The following MCPH1 variants were observed in gnomAD, a reference collection of about 807,000 sequenced individuals.
MCPH1 encodes microcephalin 1.
A neutral mutation model predicts 84.5 loss-of-function variants in MCPH1; 104 were observed. The observed-to-expected ratio is 1.23, with a 90% confidence interval of 1.05 to 1.45. The LOEUF is 1.45. MCPH1 is among the 40% of genes most tolerant of loss of function. MCPH1 has a pLI of 0.00. For missense variants in MCPH1, 1,498 were observed against 1,005.7 expected (o/e 1.49, Z -6.62); for synonymous variants, 514 against 366.8 (o/e 1.40, Z -4.58).
Position 6,505,500 on chromosome 8 carries a change from TA to T in MCPH1, c.2214+5572del, listed in dbSNP as rs1813380420. On this transcript the variant is annotated intron_variant, in intron 12 of 13. Transcript: ENST00000344683. ...ATATAGAATATATATATTCTTTATATATGTATATATAGAATATATATTCTTT... is the reference window on the plus strand; with the variant it reads ...ATATAGAATATATATATTCTTTATATTGTATATATAGAATATATATTCTTT... 1.2e-3 allele frequency among the ~76,000 whole-genome samples: 6 copies of T among 4,890 alleles called. 1 individual carries two copies. The highest frequency in any genetic ancestry group is 0.011 in the Admixed American group (2 of 180). The allele number at this position is 4,890 out of a possible 152,430, so 3.2% of individuals were successfully genotyped here.
intron 12 of MCPH1, among the ~76,000 whole-genome samples, chr8:6,597,296 G>T (rs559692696): frequency 5.3e-5 from 8 of 152,266 alleles, no homozygotes; most frequent in African/African-American, 1.9e-4. Context: ...GTGAAAGCAG[G>T]ACACAGGCAA....
intron 9 of MCPH1, among the ~76,000 whole-genome samples, chr8:6,476,224 T>G (rs1193158782): frequency 1.3e-5 from 2 of 151,512 alleles, no homozygotes; most frequent in African/African-American, 4.9e-5. Flanking sequence ...AGGTCAGGAG[T>G]TGGAGACCAG....
intron 11 of MCPH1, among the ~76,000 whole-genome samples, chr8:6,491,189 T>C (rs926562509): frequency 2.0e-5 from 3 of 151,542 alleles, no homozygotes; most frequent in African/African-American, 7.3e-5. Flanking sequence ...TAAACTTAAA[T>C]TGAGATCATG....
intron 11 of MCPH1, among the ~76,000 whole-genome samples, chr8:6,493,266 G>A (rs914900294): frequency 1.3e-5 from 2 of 152,078 alleles, no homozygotes; most frequent in East Asian, 1.9e-4. Context: ...CCTTAACATC[G>A]AGAATCACCC....
Position 6,480,799 on chromosome 8 carries a change from C to A in MCPH1, c.2059C>A (p.Leu687Ile), listed in dbSNP as rs200865129. The A allele has an allele frequency of 6.2e-7, 1 of 1,614,216 alleles. No homozygotes were observed. The highest frequency in any genetic ancestry group is 1.7e-5 in the Admixed American group (1 of 60,028). Residue 687 changes from leucine to isoleucine, a missense_variant, in exon 11 of 14, where the codon CTT (leucine) becomes ATT (isoleucine). Coordinates refer to ENST00000344683, the MANE Select transcript of MCPH1 (RefSeq NM_024596.5). The stretch of plus-strand genomic sequence containing the variant: ...CGTCTGTGAGACCACGACTCACGTG[C>A]TTTCCGGGAAGCCACTTCGCACCCT... ...PDVCETTTHV[L>I]SGKPLRTLNV...
At chr8:6,625,437 C>T (rs1831969070) in intron 13 of MCPH1, 1 of 985,402 alleles carries the variant, frequency 1.0e-6, no homozygotes, top group Non-Finnish European at 1.2e-6. Context: ...AAATGCTTCT[C>T]TGGACAATGT....
intron 10 of MCPH1, among the ~76,000 whole-genome samples, 175 bp downstream of exon 10, chr8:6,477,806 G>A (rs143792214): frequency 5.0e-4 from 76 of 152,332 alleles, no homozygotes; most frequent in African/African-American, 1.6e-3. Flanking sequence ...AAATGTGAGC[G>A]ACTTAGCCTT....
At chr8:6,562,118 C>A (rs1228467527) in intron 12 of MCPH1, among the ~76,000 whole-genome samples, 2 of 152,196 alleles carry the variant, frequency 1.3e-5, no homozygotes, top group Non-Finnish European at 2.9e-5. Context: ...AATTTCCTCT[C>A]GTTTACCAAG....
intron 12 of MCPH1, among the ~76,000 whole-genome samples, chr8:6,589,457 C>G (rs1828269255): frequency 6.6e-6 from 1 of 152,132 alleles, no homozygotes; most frequent in South Asian, 2.1e-4. Context: ...CCAGAAATTC[C>G]AGGCTTTCTG....
At chr8:6,440,962 T>G (rs894670837) in intron 6 of MCPH1, among the ~76,000 whole-genome samples, 1 of 152,190 alleles carries the variant, frequency 6.6e-6, no homozygotes, top group African/African-American at 2.4e-5. Flanking sequence ...GTTCCCATCT[T>G]TCTGTTGTAC....
chr8:6,488,576 C>G (rs1413226940), intron 11 of MCPH1, among the ~76,000 whole-genome samples: 1 of 152,114 alleles, frequency 6.6e-6, no homozygotes, highest in East Asian at 1.9e-4. Flanking sequence ...TAAACAGAAT[C>G]TACTTAATGC....
chr8:6,522,265 G>A (rs1817503206), intron 12 of MCPH1, among the ~76,000 whole-genome samples: 1 of 152,144 alleles, frequency 6.6e-6, no homozygotes, highest in Non-Finnish European at 1.5e-5. Flanking sequence ...TGAGGCAGGA[G>A]AATGGCGTGA....
intron 12 of MCPH1, among the ~76,000 whole-genome samples, chr8:6,575,663 C>A (rs922535816): frequency 6.6e-6 from 1 of 152,154 alleles, no homozygotes; most frequent in Non-Finnish European, 1.5e-5. Flanking sequence ...TGACCGTCTT[C>A]GGAAGTAGGG....
chr8:6,409,663 A>C (rs1242317715), intron 2 of MCPH1, among the ~76,000 whole-genome samples: 1 of 145,790 alleles, frequency 6.9e-6, no homozygotes, highest in African/African-American at 2.5e-5. Context: ...AGGAAAAGGA[A>C]CAGGTTTCTA....
intron 9 of MCPH1, among the ~76,000 whole-genome samples, chr8:6,464,648 C>T (rs951548491): frequency 6.6e-6 from 1 of 152,150 alleles, no homozygotes; most frequent in Admixed American, 6.5e-5. Flanking sequence ...AGGACATTTC[C>T]CACTGGGAGA....
At chr8:6,504,597 A>C (rs1032111761) in intron 12 of MCPH1, among the ~76,000 whole-genome samples, 2 of 152,164 alleles carry the variant, frequency 1.3e-5, no homozygotes, top group Non-Finnish European at 2.9e-5. Flanking sequence ...GGCAATTCAG[A>C]TATGTCAAAG....
At chr8:6,466,484 T>C (rs564424251) in intron 9 of MCPH1, among the ~76,000 whole-genome samples, 1 of 152,270 alleles carries the variant, frequency 6.6e-6, no homozygotes, top group African/African-American at 2.4e-5. Flanking sequence ...AGTTTTTGTA[T>C]TTTCGGTAGC....
intron 13 of MCPH1, among the ~76,000 whole-genome samples, chr8:6,637,048 GTAT>G (rs1797605670): frequency 6.6e-6 from 1 of 152,232 alleles, no homozygotes; most frequent in Non-Finnish European, 1.5e-5. Context: ...GAGAACTGCT[GTAT>G]TATTAGACTG....
intron 12 of MCPH1, among the ~76,000 whole-genome samples, chr8:6,504,267 G>C (rs1039609850): frequency 7.2e-6 from 1 of 138,098 alleles, no homozygotes; most frequent in African/African-American, 2.7e-5. Flanking sequence ...GCAGTGAGCC[G>C]AGATCGCGCC....
Sources: allele counts gnomAD v4.1 joint callset (sites outside exome capture counted in the v4.1 genomes callset), GRCh38; gene constraint gnomAD v4.1.1; transcripts MANE v1.5; gene names NCBI Gene and HGNC (gene_info 2026-07-23, HGNC 2026-07-21).